ZNF804B: variants seen among roughly 807,000 people sequenced by gnomAD.
ZNF804B encodes the protein zinc finger protein 804B.
Under a neutral mutation model 101.4 loss-of-function variants are expected in ZNF804B, and 80 were observed. The observed-to-expected ratio is 0.79, with a 90% confidence interval of 0.66 to 0.95. The LOEUF is 0.95. Ranked by LOEUF, ZNF804B falls within the 40% of genes least tolerant of loss-of-function variation. ZNF804B has a pLI of 0.00. For missense variants in ZNF804B, 1,673 were observed against 1,561.9 expected (o/e 1.07, Z -1.20); for synonymous variants, 622 against 558.8 (o/e 1.11, Z -1.59).
chr7:89,249,564 TA>T (rs994462987), intron 2 of ZNF804B, among the ~76,000 whole-genome samples: 7 of 151,648 alleles, frequency 4.6e-5, no homozygotes, highest in African/African-American at 1.7e-4. Context: ...AGGCAGAAAT[TA>T]AAAAAAATTA....
At chr7:88,806,089 T>A (rs758785701) in intron 1 of ZNF804B, among the ~76,000 whole-genome samples, 1 of 152,130 alleles carries the variant, frequency 6.6e-6, no homozygotes, top group Non-Finnish European at 1.5e-5. Flanking sequence ...TATTTCTATG[T>A]ATTTTCTATT....
intron 2 of ZNF804B, among the ~76,000 whole-genome samples, chr7:89,265,166 A>G (rs1269668953): frequency 6.6e-6 from 1 of 152,182 alleles, no homozygotes; most frequent in Non-Finnish European, 1.5e-5. Flanking sequence ...GACTTCCACA[A>G]TTGATGATAG....
At chr7:88,925,536 CAG>C (rs796597196) in intron 1 of ZNF804B, among the ~76,000 whole-genome samples, 3 of 152,172 alleles carry the variant, frequency 2.0e-5, no homozygotes, top group African/African-American at 7.2e-5. Context: ...CATGAGGACA[CAG>C]AGAAAGTGGT....
Position 88,825,816 on chromosome 7 carries a change from G to C in ZNF804B, c.108+65732G>C, listed in dbSNP as rs374769742. Among the ~76,000 whole-genome samples the C allele has an allele frequency of 5.9e-5, 9 of 152,220 alleles. No homozygotes were observed. The East Asian group carries it at 1.7e-3, about 29-fold the overall frequency. On this transcript the variant is annotated intron_variant, in intron 1 of 3. Transcript: ENST00000333190. ...TGCTGCTCACTTAAACTCTTCCTCT[G>C]TCTCATCCAATATCCACCAAGTGCC...
intron 1 of ZNF804B, among the ~76,000 whole-genome samples, chr7:88,841,675 G>A (rs1791294607): frequency 6.6e-6 from 1 of 152,106 alleles, no homozygotes; most frequent in South Asian, 2.1e-4. Flanking sequence ...TTCAACCTGA[G>A]GGTGATTTGG....
At chr7:89,219,980 C>T (rs542915097) in intron 2 of ZNF804B, among the ~76,000 whole-genome samples, 1 of 25,228 alleles carries the variant, frequency 4.0e-5, no homozygotes, top group Non-Finnish European at 7.2e-5. Context: ...TATGTATATA[C>T]ATATGTGTGC....
intron 2 of ZNF804B, among the ~76,000 whole-genome samples, chr7:89,227,405 G>A (rs1376368248): frequency 6.6e-6 from 1 of 152,098 alleles, no homozygotes; most frequent in African/African-American, 2.4e-5. Context: ...TGTATGCCCA[G>A]CACCATTCCA....
intron 1 of ZNF804B, among the ~76,000 whole-genome samples, chr7:88,940,575 G>T (rs1186041064): frequency 4.6e-5 from 7 of 151,648 alleles, no homozygotes; most frequent in Admixed American, 4.6e-4. Context: ...CTTGAGATCA[G>T]CCTGGACAAC....
chr7:88,992,582 G>T (rs1245884468), intron 1 of ZNF804B, among the ~76,000 whole-genome samples: 2 of 152,082 alleles, frequency 1.3e-5, no homozygotes, highest in African/African-American at 4.8e-5. Flanking sequence ...GCTCATTTTA[G>T]AGAAAATGAC....
chr7:89,325,664 CAA>C (rs1484138153), intron 2 of ZNF804B, among the ~76,000 whole-genome samples: 1 of 151,886 alleles, frequency 6.6e-6, no homozygotes, highest in Non-Finnish European at 1.5e-5. Flanking sequence ...AAAAATGAGT[CAA>C]GTGTCAATTG....
chr7:89,139,381 CAAT>C (rs1254030271), intron 1 of ZNF804B, among the ~76,000 whole-genome samples: 1 of 151,998 alleles, frequency 6.6e-6, no homozygotes, highest in African/African-American at 2.4e-5. Flanking sequence ...TAAAATAAAA[CAAT>C]GATGATCTTT....
chr7:88,943,658 T>C (rs370684871), intron 1 of ZNF804B, among the ~76,000 whole-genome samples: 2 of 151,818 alleles, frequency 1.3e-5, no homozygotes, highest in East Asian at 1.9e-4. Context: ...CTGATAAATA[T>C]AAACAATGTG....
At chr7:88,894,739 G>T (rs1344143131) in intron 1 of ZNF804B, among the ~76,000 whole-genome samples, 1 of 152,064 alleles carries the variant, frequency 6.6e-6, no homozygotes, top group East Asian at 1.9e-4. Context: ...ATTGCTACAG[G>T]AAGGAAGCCA....
chr7:88,970,460 A>C (rs1036447856), intron 1 of ZNF804B, among the ~76,000 whole-genome samples: 1 of 151,470 alleles, frequency 6.6e-6, no homozygotes, highest in Non-Finnish European at 1.5e-5. Flanking sequence ...TATAATAAGT[A>C]AACCAGATAT....
Position 89,336,225 on chromosome 7 carries a change from A to AT in ZNF804B, c.3244dup (p.Tyr1082LeufsTer6). 2 of 1,613,848 alleles carry AT rather than the reference A, an allele frequency of 1.2e-6. No homozygotes were observed. The highest frequency in any genetic ancestry group is 2.2e-5 in the South Asian group (2 of 91,074). The stretch of plus-strand genomic sequence containing the variant: ...TCCCTGGTGCTTTTCCGTCTAATAA[A>AT]TATACTGGTGTGACTGATTCAACAG... On this transcript the variant is annotated frameshift_variant, in exon 4 of 4. Coordinates refer to ENST00000333190, the MANE Select transcript of ZNF804B (RefSeq NM_181646.5). LOFTEE classifies it high-confidence loss of function.
chr7:89,061,044 T>C (rs1367522311), intron 1 of ZNF804B, among the ~76,000 whole-genome samples: 1 of 152,128 alleles, frequency 6.6e-6, no homozygotes, highest in Non-Finnish European at 1.5e-5. Context: ...CGTAGTAATA[T>C]GTATTTATAC....
At chr7:89,154,880 A>T (rs971379287) in intron 1 of ZNF804B, among the ~76,000 whole-genome samples, 19 of 152,174 alleles carry the variant, frequency 1.2e-4, no homozygotes, top group South Asian at 4.2e-4. Flanking sequence ...ATATACATTT[A>T]AAAAATCCTG....
rs555808653 is a variant in ZNF804B at position 88,901,902 on chromosome 7, A to C, written c.108+141818A>C. ...CCAATTAATGCTGGCTTGGTATGAT[A>C]CTAAAACCTAAAATAACTTATTTTG... On this transcript the variant is annotated intron_variant, in intron 1 of 3. Coordinates refer to ENST00000333190, the MANE Select transcript of ZNF804B (RefSeq NM_181646.5). 1.6e-4 allele frequency among the ~76,000 whole-genome samples: 25 copies of C among 152,030 alleles called. No individual in the cohort carries two copies. The South Asian group carries it at 5.2e-3, about 31-fold the overall frequency.
chr7:89,170,690 G>A (rs1030633017), intron 1 of ZNF804B, among the ~76,000 whole-genome samples: 7 of 152,062 alleles, frequency 4.6e-5, no homozygotes, highest in Admixed American at 2.6e-4. Context: ...TGAGGTCCTT[G>A]CCTTGGTGGT....
Sources: allele counts gnomAD v4.1 joint callset (sites outside exome capture counted in the v4.1 genomes callset), GRCh38; gene constraint gnomAD v4.1.1; transcripts MANE v1.5; gene names NCBI Gene and HGNC (gene_info 2026-07-23, HGNC 2026-07-21).